The following DLG2 variants were observed in gnomAD, a reference collection of about 807,000 sequenced individuals.
The protein encoded by DLG2 is discs large MAGUK scaffold protein 2.
In DLG2, 45 loss-of-function variants were observed where a neutral mutation model predicts 132.5. The ratio of observed to expected loss-of-function variants is 0.34; its 90% CI spans 0.27 to 0.44. The LOEUF (loss-of-function observed/expected upper bound fraction) is 0.44, where lower values mean the gene tolerates loss of function less well. DLG2 is among the 20% of genes least tolerant of loss of function. The probability of loss-of-function intolerance (pLI) is 1.00; values close to 1 mark genes in which losing one functional copy is unlikely to be tolerated. For synonymous variants in DLG2, 424 were observed against 419.6 expected (o/e 1.01, Z -0.13); for missense variants, 1,045 against 1,196.9 (o/e 0.87, Z 1.87).
chr11:83,888,893 G>A (rs893092289), intron 15 of DLG2, among the ~76,000 whole-genome samples: 3 of 152,138 alleles, frequency 2.0e-5, no homozygotes, highest in African/African-American at 7.2e-5. Context: ...TGGGAAAACT[G>A]GCTAGCCATA....
intron 22 of DLG2, chr11:83,480,700 T>A: frequency 2.2e-6 from 3 of 1,341,796 alleles, no homozygotes; most frequent in Non-Finnish European, 3.1e-6. Context: ...AGAAAAATAC[T>A]ATGACCCATT....
At chr11:85,014,128 C>T (rs1439925866) in intron 6 of DLG2, among the ~76,000 whole-genome samples, 1 of 152,172 alleles carries the variant, frequency 6.6e-6, no homozygotes, top group Non-Finnish European at 1.5e-5. Flanking sequence ...AAATTATAAG[C>T]TTAAGAGTTA....
intron 10 of DLG2, among the ~76,000 whole-genome samples, chr11:84,073,369 A>G (rs553535674): frequency 1.7e-4 from 26 of 152,304 alleles, no homozygotes; most frequent in Non-Finnish European, 2.9e-4. Context: ...CTCCAGTGAT[A>G]GGGCAAGGCC....
intron 4 of DLG2, among the ~76,000 whole-genome samples, chr11:85,211,760 C>T (rs2082269862): frequency 6.6e-6 from 1 of 152,128 alleles, no homozygotes; most frequent in Admixed American, 6.6e-5. Context: ...GTCGAGGTCA[C>T]TCCTTTTATA....
At chr11:84,578,228 CCA>C (rs1488202455) in intron 6 of DLG2, among the ~76,000 whole-genome samples, 126 of 136,690 alleles carry the variant, frequency 9.2e-4, no homozygotes, top group African/African-American at 3.6e-3. Flanking sequence ...ATCAGACCCC[CCA>C]CCCCATACAA....
chr11:85,020,602 T>C (rs113596135), intron 6 of DLG2, among the ~76,000 whole-genome samples: 1 of 152,220 alleles, frequency 6.6e-6, no homozygotes, highest in Admixed American at 6.5e-5. Context: ...AGGTCTAACA[T>C]TTAAGTCTTT....
intron 3 of DLG2, among the ~76,000 whole-genome samples, chr11:85,522,918 T>C (rs1288047478): frequency 2.6e-5 from 4 of 152,184 alleles, no homozygotes. Flanking sequence ...TTTGGGTTAA[T>C]GCTGGAATGA....
At chr11:85,251,276 G>A (rs910645040) in intron 4 of DLG2, among the ~76,000 whole-genome samples, 1 of 152,186 alleles carries the variant, frequency 6.6e-6, no homozygotes, top group Non-Finnish European at 1.5e-5. Flanking sequence ...AATATTGTAA[G>A]CAGAATATTG....
chr11:84,748,001 T>C (rs2065605207), intron 6 of DLG2, among the ~76,000 whole-genome samples: 1 of 152,192 alleles, frequency 6.6e-6, no homozygotes, highest in South Asian at 2.1e-4. Flanking sequence ...GCACACCATA[T>C]AGGCTGCCAT....
chr11:85,322,496 A>T (rs190849688), intron 3 of DLG2, among the ~76,000 whole-genome samples: 1 of 152,290 alleles, frequency 6.6e-6, no homozygotes, highest in Non-Finnish European at 1.5e-5. Context: ...ACCTCAGATT[A>T]GTGACTAATA....
At chr11:83,965,529 A>C in intron 12 of DLG2, 61 bp from the exon 13 acceptor site, 2 of 1,351,606 alleles carry the variant, frequency 1.5e-6, no homozygotes, top group Non-Finnish European at 2.0e-6. Context: ...AAAAATATTC[A>C]GGCAAGAAGA....
chr11:84,410,472 C>T (rs896005837), intron 7 of DLG2, among the ~76,000 whole-genome samples: 19 of 151,496 alleles, frequency 1.3e-4, no homozygotes, highest in African/African-American at 4.4e-4. Flanking sequence ...TCAATTTAGA[C>T]AGCTTCTTTG....
At chr11:84,755,346 A>G (rs2066716883) in intron 6 of DLG2, among the ~76,000 whole-genome samples, 1 of 152,246 alleles carries the variant, frequency 6.6e-6, no homozygotes, top group Non-Finnish European at 1.5e-5. Context: ...CCGACAGGAT[A>G]AAATTTGCTG....
intron 11 of DLG2, among the ~76,000 whole-genome samples, chr11:84,040,248 G>C (rs1034160280): frequency 1.3e-5 from 2 of 151,802 alleles, no homozygotes; most frequent in Admixed American, 6.6e-5. Context: ...GTCAATTTTG[G>C]CTTTTGTTGC....
At chr11:84,298,713 T>C (rs777827046) in intron 7 of DLG2, among the ~76,000 whole-genome samples, 25 of 152,126 alleles carry the variant, frequency 1.6e-4, no homozygotes, top group Admixed American at 5.9e-4. Context: ...AAGATAACAT[T>C]AGAAATGATC....
At chr11:83,912,022 CAA>C (rs1237436244) in intron 15 of DLG2, among the ~76,000 whole-genome samples, 1 of 151,606 alleles carries the variant, frequency 6.6e-6, no homozygotes. Flanking sequence ...AAATAAAACA[CAA>C]GAGCAAAAAT....
chr11:83,511,726 C>CTT (rs5793066), intron 21 of DLG2, among the ~76,000 whole-genome samples: 34 of 139,244 alleles, frequency 2.4e-4, no homozygotes, highest in Non-Finnish European at 2.0e-4. Context: ...AAGAAGCAAA[C>CTT]TTTTTTTTTT....
chr11:83,807,026 T>A (rs1041303544), intron 17 of DLG2, among the ~76,000 whole-genome samples: 4 of 152,174 alleles, frequency 2.6e-5, no homozygotes, highest in African/African-American at 9.7e-5. Flanking sequence ...AAATACAGCC[T>A]TAACTCCAAG....
intron 4 of DLG2, among the ~76,000 whole-genome samples, chr11:85,213,552 T>C (rs2082384677): frequency 6.6e-6 from 1 of 152,168 alleles, no homozygotes; most frequent in Non-Finnish European, 1.5e-5. Flanking sequence ...AAGGTTTTAT[T>C]ATCCAGATGA....
Sources: allele counts gnomAD v4.1 joint callset (sites outside exome capture counted in the v4.1 genomes callset), GRCh38; gene constraint gnomAD v4.1.1; transcripts MANE v1.5; gene names NCBI Gene and HGNC (gene_info 2026-07-23, HGNC 2026-07-21).